The following DCUN1D2 variants were observed in gnomAD, a reference collection of about 807,000 sequenced individuals.
DCUN1D2 encodes DCN1-like protein 2.
Under a neutral mutation model 30.9 loss-of-function variants are expected in DCUN1D2, and 29 were observed. That is an observed-to-expected ratio of 0.94 (90% CI 0.70 to 1.28). The LOEUF (loss-of-function observed/expected upper bound fraction) is 1.28, where lower values mean the gene tolerates loss of function less well. DCUN1D2 is among the 50% of genes most tolerant of loss of function. The pLI, the probability that DCUN1D2 is intolerant of heterozygous loss-of-function variation, is 0.00. For synonymous variants in DCUN1D2, 121 were observed against 115.3 expected (o/e 1.05, Z -0.32); for missense variants, 325 against 316.9 (o/e 1.03, Z -0.19).
At chr13:113,460,921 G>A (rs1202290748) in intron 5 of DCUN1D2, 133 bp downstream of exon 5, 9 of 599,608 alleles carry the variant, frequency 1.5e-5, no homozygotes, top group African/African-American at 7.7e-5. Flanking sequence ...CTGGACCTGC[G>A]GATCTTTGTG....
intron 1 of DCUN1D2, chr13:113,489,119 G>A (rs942278492): frequency 8.1e-6 from 8 of 985,356 alleles, no homozygotes; most frequent in Non-Finnish European, 9.6e-6. Flanking sequence ...CATGTTGATC[G>A]AATAAACTAC....
chr13:113,481,268 A>G (rs530620559), intron 2 of DCUN1D2, among the ~76,000 whole-genome samples: 1 of 152,350 alleles, frequency 6.6e-6, no homozygotes, highest in South Asian at 2.1e-4. Context: ...CACATTTAAT[A>G]GCTTAGAAAT....
chr13:113,481,795 A>G (rs2262207), intron 2 of DCUN1D2, among the ~76,000 whole-genome samples: 58,676 of 150,816 alleles, frequency 0.39, 13,302 homozygotes, highest in African/African-American at 0.63. Context: ...GAGGCAGGAG[A>G]ATCGCTTGAA....
chr13:113,475,549 G>C (rs189305034), intron 3 of DCUN1D2: 2 of 152,386 alleles, frequency 1.3e-5, no homozygotes, highest in African/African-American at 2.4e-5. Context: ...GTGACGCATG[G>C]CTGTACTGCA....
Position 113,488,182 on chromosome 13 carries a change from G to A in DCUN1D2, c.3+2485C>T, listed in dbSNP as rs542748487. On this transcript the variant is annotated intron_variant, in intron 1 of 6. Coordinates refer to ENST00000478244, the MANE Select transcript of DCUN1D2 (RefSeq NM_001014283.2). This position sits in a 1 kb window ranked among gnomAD's most constrained non-coding sequence, Gnocchi z 4.3. The stretch of plus-strand genomic sequence containing the variant: ...CTGTTAGCTAGAGTGGACAGAAGTC[G>A]GTATCCAGAAACACGAAGAGCCCCC... Among the ~76,000 whole-genome samples the A allele has an allele frequency of 1.9e-4, 29 of 152,292 alleles. No individual in the cohort carries two copies. Among genetic ancestry groups the A allele is most frequent in the Admixed American group, 4.6e-4 (7 of 15,304 alleles).
rs1311162935 is a variant in DCUN1D2, at chr13:113,456,587, C to T, written c.*1442G>A. The T allele has an allele frequency of 7.7e-6, 3 of 388,580 alleles. No homozygotes were observed. Among genetic ancestry groups the T allele is most frequent in the African/African-American group, 6.2e-5 (3 of 48,414 alleles). 24.1% of individuals were successfully genotyped at this position (388,580 alleles called of 1,614,324 possible). A position where few individuals can be genotyped will look rare whatever the true frequency, so the allele number is the denominator to read the frequency against. On this transcript the variant is annotated 3_prime_UTR_variant, in exon 7 of 7. Coordinates refer to ENST00000478244, the MANE Select transcript of DCUN1D2 (RefSeq NM_001014283.2). ...AGGCACGCCTGTGACATGAGAGTCT[C>T]GGCACGTGAGGTAGGGTCAACAGTG...
chr13:113,459,991 C>G (rs962520650), intron 5 of DCUN1D2, among the ~76,000 whole-genome samples: 5 of 152,228 alleles, frequency 3.3e-5, no homozygotes, highest in Admixed American at 2.6e-4. Flanking sequence ...GCCTTCATCC[C>G]CTTCTCCACG....
intron 4 of DCUN1D2, among the ~76,000 whole-genome samples, chr13:113,469,561 G>A (rs2044467908): frequency 6.6e-6 from 1 of 152,222 alleles, no homozygotes; most frequent in Admixed American, 6.5e-5. Flanking sequence ...CGTGCCTACA[G>A]TCCCAGTTAG....
rs578014810 is a variant in DCUN1D2 at position 113,474,806 on chromosome 13, C to T, written c.390-552G>A. On this transcript the variant is annotated intron_variant, in intron 3 of 6. Coordinates refer to ENST00000478244, the MANE Select transcript of DCUN1D2 (RefSeq NM_001014283.2). ...GCCCTGCCAGCCTGGGCCACTGTTACCTCTGTCCCATCATACAAGCGAAAA... is the reference window on the plus strand; with the variant it reads ...GCCCTGCCAGCCTGGGCCACTGTTATCTCTGTCCCATCATACAAGCGAAAA... 1.8e-4 allele frequency among the ~76,000 whole-genome samples: 28 copies of T among 152,292 alleles called. 1 individual carries two copies. The South Asian group carries it at 5.8e-3, about 32-fold the overall frequency.
chr13:113,470,490 G>A (rs1475398793), intron 4 of DCUN1D2, among the ~76,000 whole-genome samples: 1 of 152,140 alleles, frequency 6.6e-6, no homozygotes, highest in Non-Finnish European at 1.5e-5. Context: ...AGAAAGCAAC[G>A]CACACTGCCG....
At chr13:113,461,330 T>A (rs947417910) in intron 4 of DCUN1D2, among the ~76,000 whole-genome samples, 194 bp from the exon 5 acceptor site, 6 of 152,226 alleles carry the variant, frequency 3.9e-5, no homozygotes, top group African/African-American at 1.4e-4. Flanking sequence ...CTGGGGAAAC[T>A]CTTTTTAAAA....
intron 2 of DCUN1D2, among the ~76,000 whole-genome samples, chr13:113,483,361 A>C (rs1468378015): frequency 6.6e-6 from 1 of 152,232 alleles, no homozygotes; most frequent in African/African-American, 2.4e-5. Flanking sequence ...TTCAGGGCTG[A>C]CACGCCACTA....
intron 2 of DCUN1D2, among the ~76,000 whole-genome samples, chr13:113,481,142 T>A (rs985990199): frequency 6.6e-6 from 1 of 152,238 alleles, no homozygotes; most frequent in Non-Finnish European, 1.5e-5. Context: ...CTTGAGTTTT[T>A]ATCACAACTC....
At chr13:113,487,014 T>A (rs2044816881) in intron 1 of DCUN1D2, among the ~76,000 whole-genome samples, 1 of 152,246 alleles carries the variant, frequency 6.6e-6, no homozygotes, top group Non-Finnish European at 1.5e-5. Flanking sequence ...GGAATACATA[T>A]TCACTACATT....
intron 5 of DCUN1D2, 111 bp downstream of exon 5, chr13:113,460,943 T>C (rs1178113965): frequency 1.5e-6 from 1 of 646,648 alleles, no homozygotes; most frequent in Non-Finnish European, 2.7e-6. Flanking sequence ...GGGATGTTCA[T>C]CTGCTGAAAA....
chr13:113,469,136 A>G (rs1442904455), intron 4 of DCUN1D2, among the ~76,000 whole-genome samples: 1 of 121,314 alleles, frequency 8.2e-6, no homozygotes, highest in East Asian at 2.6e-4. Context: ...TCTGTCTACT[A>G]CACGCCTGCA....
chr13:113,466,707 G>C (rs1279380082), intron 4 of DCUN1D2, among the ~76,000 whole-genome samples: 1 of 152,078 alleles, frequency 6.6e-6, no homozygotes, highest in Non-Finnish European at 1.5e-5. Flanking sequence ...TGGTGAAACA[G>C]GCTTTTCTCT....
At chr13:113,484,106 G>A in intron 1 of DCUN1D2, 50 bp from the exon 2 acceptor site, 6 of 1,606,480 alleles carry the variant, frequency 3.7e-6, no homozygotes, top group Non-Finnish European at 5.1e-6. Context: ...CTCCAGGTTT[G>A]TCCCAGCTTT....
intron 4 of DCUN1D2, among the ~76,000 whole-genome samples, chr13:113,469,271 A>G (rs1466835090): frequency 2.0e-5 from 3 of 152,182 alleles, no homozygotes; most frequent in African/African-American, 7.2e-5. Context: ...GAGCAACAGA[A>G]CAGCCCTGAG....
Sources: gnomAD v4.1 joint callset for allele counts (sites outside exome capture counted in the v4.1 genomes callset) on GRCh38, gnomAD v4.1.1 for gene constraint, Gnocchi (gnomAD v3.1) non-coding constraint, MANE v1.5 for transcripts, NCBI Gene and HGNC (gene_info 2026-07-23, HGNC 2026-07-21) for gene names.